The following C16orf74 variants were observed in gnomAD, a reference collection of about 807,000 sequenced individuals.
C16orf74 encodes calcimembrin.
Under a neutral mutation model 6.5 loss-of-function variants are expected in C16orf74, and 10 were observed. The observed-to-expected ratio is 1.54, with a 90% confidence interval of 0.95 to 2.61. The LOEUF (loss-of-function observed/expected upper bound fraction) is 2.61, where lower values mean the gene tolerates loss of function less well. Ranked by LOEUF, C16orf74 falls within the 30% of genes most tolerant of loss-of-function variation. The pLI is 0.00. For synonymous variants in C16orf74, 60 were observed against 42.5 expected (o/e 1.41, Z -1.60); for missense variants, 141 against 105.9 (o/e 1.33, Z -1.45).
chr16:85,731,038 T>C (rs1301457032), intron 2 of C16orf74, among the ~76,000 whole-genome samples: 1 of 152,186 alleles, frequency 6.6e-6, no homozygotes, highest in Non-Finnish European at 1.5e-5. Context: ...GCTAGAAACG[T>C]CAAAATCTAT....
At chr16:85,724,218 C>T (rs1454947701) in intron 2 of C16orf74, among the ~76,000 whole-genome samples, 1 of 152,168 alleles carries the variant, frequency 6.6e-6, no homozygotes, top group African/African-American at 2.4e-5. Flanking sequence ...TCTTGAGCAA[C>T]ACAAAGCCAG....
chr16:85,728,634 A>T (rs403764), intron 2 of C16orf74, among the ~76,000 whole-genome samples: 111,318 of 152,104 alleles, frequency 0.73, 41,096 homozygotes, highest in East Asian at 0.85. Context: ...GTCTTCCTGC[A>T]GAGGCCCCCG....
chr16:85,719,652 T>C (rs1428262974), intron 2 of C16orf74, among the ~76,000 whole-genome samples: 24 of 152,028 alleles, frequency 1.6e-4, no homozygotes, highest in Admixed American at 1.6e-3. Context: ...ATAAGCCCAC[T>C]CACAGTACCA....
intron 1 of C16orf74, among the ~76,000 whole-genome samples, chr16:85,750,328 G>A (rs909093465): frequency 5.9e-5 from 9 of 151,992 alleles, no homozygotes; most frequent in African/African-American, 2.2e-4. Flanking sequence ...CCTGGGGGGA[G>A]CTGCGGGTGC....
chr16:85,732,688 A>AAAAC, intron 2 of C16orf74, among the ~76,000 whole-genome samples: 1 of 150,026 alleles, frequency 6.7e-6, no homozygotes, highest in Non-Finnish European at 1.5e-5. Context: ...AAAAAAAAAA[A>AAAAC]AGAGTTCTGG....
intron 2 of C16orf74, among the ~76,000 whole-genome samples, chr16:85,732,588 C>A (rs1426749467): frequency 7.4e-6 from 1 of 135,400 alleles, no homozygotes; most frequent in African/African-American, 2.6e-5. Flanking sequence ...ATTGCTTGAA[C>A]CCGGGAGGCG....
intron 1 of C16orf74, among the ~76,000 whole-genome samples, chr16:85,735,464 T>C (rs560433840): frequency 1.3e-5 from 2 of 152,286 alleles, no homozygotes; most frequent in African/African-American, 4.8e-5. Flanking sequence ...CAAAGTTAAA[T>C]ATACAGGAAG....
chr16:85,719,782 A>G (rs1247782023), intron 2 of C16orf74, among the ~76,000 whole-genome samples: 1 of 151,668 alleles, frequency 6.6e-6, no homozygotes, highest in African/African-American at 2.4e-5. Flanking sequence ...TGAGGCAGGA[A>G]CAGAGGGGCC....
At chr16:85,748,604 A>G (rs1215370182) in intron 1 of C16orf74, among the ~76,000 whole-genome samples, 1 of 152,156 alleles carries the variant, frequency 6.6e-6, no homozygotes, top group African/African-American at 2.4e-5. Flanking sequence ...TCAAGAAAAA[A>G]CAACAAAAAA....
intron 2 of C16orf74, 129 bp downstream of exon 2, chr16:85,735,061 G>A (rs2054229003): frequency 2.9e-6 from 2 of 682,650 alleles, no homozygotes; most frequent in Admixed American, 7.5e-5. Flanking sequence ...GCTGTGTACA[G>A]GACTGCTTTA....
intron 2 of C16orf74, among the ~76,000 whole-genome samples, chr16:85,731,579 G>T (rs2054188009): frequency 6.6e-6 from 1 of 152,214 alleles, no homozygotes; most frequent in Admixed American, 6.5e-5. Context: ...AGGCCCCAGG[G>T]AGTGAGAGTA....
intron 1 of C16orf74, among the ~76,000 whole-genome samples, chr16:85,745,140 A>T (rs1033009654): frequency 2.5e-4 from 9 of 36,090 alleles, no homozygotes; most frequent in African/African-American, 8.1e-4. Context: ...AACTCTGTCT[A>T]AAAAAAAAAA....
intron 1 of C16orf74, among the ~76,000 whole-genome samples, chr16:85,740,149 G>A (rs1016591670): frequency 5.4e-5 from 8 of 148,566 alleles, no homozygotes; most frequent in African/African-American, 2.0e-4. Context: ...GGCAGAGGTT[G>A]TAGGGAGCCG....
intron 1 of C16orf74, among the ~76,000 whole-genome samples, chr16:85,742,339 C>T (rs1567813184): frequency 6.6e-6 from 1 of 152,140 alleles, no homozygotes; most frequent in South Asian, 2.1e-4. Context: ...TGCCACTGCA[C>T]TCCATCCTGG....
chr16:85,711,640 AAAAAAAT>A (rs2053971650), intron 2 of C16orf74, among the ~76,000 whole-genome samples: 1 of 133,822 alleles, frequency 7.5e-6, no homozygotes. Context: ...AAAAAAAAAA[AAAAAAAT>A]TAAACGCAAC....
Position 85,710,293 on chromosome 16 carries a change from C to A in C16orf74, c.43G>T (p.Val15Phe). 1 of 1,511,894 alleles carries A rather than the reference C, an allele frequency of 6.6e-7. No homozygotes were observed. Among genetic ancestry groups the A allele is most frequent in the Non-Finnish European group, 8.8e-7 (1 of 1,140,658 alleles). 93.7% of individuals were successfully genotyped at this position (1,511,894 alleles called of 1,614,324 possible). A position where few individuals can be genotyped will look rare whatever the true frequency, so the allele number is the denominator to read the frequency against. ...TCGTGGCTGCTGCTGCTGCTGCTGA[C>A]ACACATTTGAAAGCCTGAGAAGCCA... is the stretch of plus-strand genomic sequence containing the variant. ...MSCLKGFQMC[V>F]SSSSSSHDEA... Residue 15 changes from valine (V) to phenylalanine (F), a missense_variant, in exon 3 of 4, where the codon GTC (valine) becomes TTC (phenylalanine). Coordinates refer to ENST00000284245, the MANE Select transcript of C16orf74 (RefSeq NM_206967.3).
intron 1 of C16orf74, among the ~76,000 whole-genome samples, chr16:85,737,747 C>A (rs1194685761): frequency 6.6e-6 from 1 of 152,116 alleles, no homozygotes; most frequent in African/African-American, 2.4e-5. Context: ...ATGAGAATCT[C>A]TTGAACCTGG....
At chr16:85,737,150 C>A (rs535457222) in intron 1 of C16orf74, among the ~76,000 whole-genome samples, 1 of 152,120 alleles carries the variant, frequency 6.6e-6, no homozygotes, top group African/African-American at 2.4e-5. Flanking sequence ...AGGAGAAGTC[C>A]GAACAATGTC....
chr16:85,723,930 A>G (rs1479548413), intron 2 of C16orf74, among the ~76,000 whole-genome samples: 1 of 152,190 alleles, frequency 6.6e-6, no homozygotes, highest in Non-Finnish European at 1.5e-5. Flanking sequence ...CAGGATAACT[A>G]GGCTGGTCTG....
Sources: allele counts gnomAD v4.1 joint callset (sites outside exome capture counted in the v4.1 genomes callset), GRCh38; gene constraint gnomAD v4.1.1; transcripts MANE v1.5; gene names NCBI Gene and HGNC (gene_info 2026-07-23, HGNC 2026-07-21).